Variants in CTNNA3 observed in about 807,000 individuals in gnomAD.
CTNNA3 encodes catenin alpha 3, also known as catenin alpha-3.
In CTNNA3, 76 loss-of-function variants were observed where a neutral mutation model predicts 95.7. The ratio of observed to expected loss-of-function variants is 0.79; its 90% confidence interval spans 0.66 to 0.96. CTNNA3 has a LOEUF of 0.96. CTNNA3 is among the 40% of genes least tolerant of loss of function. The probability of loss-of-function intolerance (pLI) is 0.00; values close to 1 mark genes in which losing one functional copy is unlikely to be tolerated. For missense variants in CTNNA3, 1,191 were observed against 1,089.8 expected, an observed-to-expected ratio of 1.09 and a Z score of -1.31; for synonymous variants, 431 against 374.4, an observed-to-expected ratio of 1.15 and a Z score of -1.74.
At chr10:67,359,175 T>C (rs187764620) in intron 5 of CTNNA3, among the ~76,000 whole-genome samples, 93 of 148,466 alleles carry the variant, frequency 6.3e-4, no homozygotes, top group Non-Finnish European at 7.7e-4. Context: ...ATTGACTATA[T>C]ACAGTCAAAC....
At chr10:67,017,150 T>A (rs1190610725) in intron 7 of CTNNA3, among the ~76,000 whole-genome samples, 3 of 152,234 alleles carry the variant, frequency 2.0e-5, no homozygotes, top group African/African-American at 7.2e-5. Flanking sequence ...ATATTCATAG[T>A]ATGAAAATAT....
At chr10:67,198,153 T>C (rs932332432) in intron 6 of CTNNA3, among the ~76,000 whole-genome samples, 4 of 152,202 alleles carry the variant, frequency 2.6e-5, no homozygotes, top group African/African-American at 9.6e-5. Flanking sequence ...GGCTACTATA[T>C]TGAACAGCAC....
At chr10:66,710,925 A>G (rs1251549556) in intron 9 of CTNNA3, among the ~76,000 whole-genome samples, 1 of 151,978 alleles carries the variant, frequency 6.6e-6, no homozygotes, top group Non-Finnish European at 1.5e-5. Context: ...TTCATTTAGC[A>G]CTTTCTATCT....
intron 15 of CTNNA3, among the ~76,000 whole-genome samples, chr10:65,996,336 C>T (rs2078658903): frequency 6.6e-6 from 1 of 152,112 alleles, no homozygotes; most frequent in African/African-American, 2.4e-5. Flanking sequence ...GCTTTGCCTG[C>T]TACACCACCC....
chr10:67,531,823 G>T (rs1564719767), intron 4 of CTNNA3, among the ~76,000 whole-genome samples: 1 of 152,162 alleles, frequency 6.6e-6, no homozygotes, highest in Non-Finnish European at 1.5e-5. Context: ...CATGTCATGG[G>T]AGGAACCAGT....
intron 17 of CTNNA3, among the ~76,000 whole-genome samples, chr10:65,925,411 A>G (rs2077154640): frequency 6.6e-6 from 1 of 152,108 alleles, no homozygotes; most frequent in Non-Finnish European, 1.5e-5. Context: ...CAGACTTTGC[A>G]CATTTAATAA....
intron 9 of CTNNA3, among the ~76,000 whole-genome samples, chr10:66,685,174 T>TATAC (rs1554835095): frequency 6.3e-4 from 85 of 135,324 alleles, no homozygotes; most frequent in African/African-American, 2.0e-3. Context: ...TATATATATA[T>TATAC]ACACATATAT....
chr10:67,336,452 T>C (rs1258285547), intron 5 of CTNNA3, among the ~76,000 whole-genome samples: 2 of 152,210 alleles, frequency 1.3e-5, no homozygotes, highest in Non-Finnish European at 2.9e-5. Context: ...AGAAGTTTCC[T>C]TCATAACATA....
intron 11 of CTNNA3, among the ~76,000 whole-genome samples, chr10:66,417,452 CAGCA>C: frequency 6.6e-6 from 1 of 152,020 alleles, no homozygotes; most frequent in African/African-American, 2.4e-5. Context: ...ACCTTATTCT[CAGCA>C]CTAGACAGAT....
At chr10:66,716,791 G>A (rs188815289) in intron 9 of CTNNA3, among the ~76,000 whole-genome samples, 6 of 152,234 alleles carry the variant, frequency 3.9e-5, no homozygotes, top group African/African-American at 1.4e-4. Context: ...AATATATCTT[G>A]GAGTTGGAAC....
At chr10:66,890,115 T>C (rs1161701120) in intron 7 of CTNNA3, among the ~76,000 whole-genome samples, 2 of 152,114 alleles carry the variant, frequency 1.3e-5, no homozygotes, top group African/African-American at 4.8e-5. Context: ...AAGTGATAAT[T>C]TGGAAAGCAA....
At chr10:65,963,927 A>G (rs1488865148) in intron 17 of CTNNA3, among the ~76,000 whole-genome samples, 1 of 152,204 alleles carries the variant, frequency 6.6e-6, no homozygotes, top group African/African-American at 2.4e-5. Flanking sequence ...GACCCAGAAC[A>G]GAACATACTG....
chr10:66,272,839 A>C (rs1317544072), intron 13 of CTNNA3, among the ~76,000 whole-genome samples: 1 of 152,134 alleles, frequency 6.6e-6, no homozygotes, highest in African/African-American at 2.4e-5. Flanking sequence ...GTTATGTTCT[A>C]ATACCTCCAG....
At chr10:67,318,233 C>T (rs1391028246) in intron 5 of CTNNA3, among the ~76,000 whole-genome samples, 1 of 152,090 alleles carries the variant, frequency 6.6e-6, no homozygotes, top group Non-Finnish European at 1.5e-5. Flanking sequence ...AGTGTGGCAT[C>T]CATTTATTAT....
intron 5 of CTNNA3, among the ~76,000 whole-genome samples, chr10:67,465,214 G>C (rs1847541643): frequency 1.3e-5 from 2 of 152,038 alleles, no homozygotes; most frequent in South Asian, 4.1e-4. Flanking sequence ...AAAGGACCCT[G>C]TTTTTACACA....
intron 7 of CTNNA3, among the ~76,000 whole-genome samples, chr10:66,814,724 A>G (rs1842010011): frequency 6.6e-6 from 1 of 152,140 alleles, no homozygotes; most frequent in Non-Finnish European, 1.5e-5. Context: ...AGATCGCACC[A>G]CTGTACTCCA....
chr10:67,263,457 G>A (rs1866696796), intron 5 of CTNNA3, among the ~76,000 whole-genome samples: 1 of 152,240 alleles, frequency 6.6e-6, no homozygotes, highest in South Asian at 2.1e-4. Flanking sequence ...CCTTTGATAT[G>A]ACAGTCCAAG....
At chr10:66,430,110 C>T (rs2093280963) in intron 11 of CTNNA3, among the ~76,000 whole-genome samples, 1 of 126,544 alleles carries the variant, frequency 7.9e-6, no homozygotes, top group Non-Finnish European at 1.6e-5. Context: ...ACACCATTAA[C>T]AGACAAACAA....
At chr10:66,850,200 A>T (rs1843434699) in intron 7 of CTNNA3, among the ~76,000 whole-genome samples, 1 of 152,176 alleles carries the variant, frequency 6.6e-6, no homozygotes. Flanking sequence ...AAAATCTGGT[A>T]AGATCCTCTC....
Sources: gnomAD v4.1 joint callset for allele counts (sites outside exome capture counted in the v4.1 genomes callset) on GRCh38, gnomAD v4.1.1 for gene constraint, MANE v1.5 for transcripts, NCBI Gene and HGNC (gene_info 2026-07-23, HGNC 2026-07-21) for gene names.